The following KIF18A variants were observed in gnomAD, a reference collection of about 807,000 sequenced individuals.
KIF18A encodes the protein kinesin family member 18A, also known as kinesin-like protein KIF18A.
Under a neutral mutation model 103.3 loss-of-function variants are expected in KIF18A, and 67 were observed. The observed-to-expected ratio is 0.65, with a 90% CI of 0.53 to 0.79. The LOEUF is 0.79. KIF18A is among the 30% of genes least tolerant of loss of function. The pLI is 0.00. For missense variants in KIF18A, 1,032 were observed against 1,062.5 expected (o/e 0.97, Z 0.40); for synonymous variants, 367 against 355.5 (o/e 1.03, Z -0.36).
At chr11:28,043,959 C>G (rs1239168737) in intron 13 of KIF18A, among the ~76,000 whole-genome samples, 1 of 150,498 alleles carries the variant, frequency 6.6e-6, no homozygotes, top group African/African-American at 2.4e-5. Context: ...GGTAGGAAGC[C>G]AATAAAAAAT....
chr11:28,023,819 C>A lies in KIF18A; in HGVS notation c.2536G>T (p.Val846Leu). 3.7e-6 allele frequency: 6 copies of A among 1,612,358 alleles called. No individual in the cohort carries two copies. The highest frequency in any genetic ancestry group is 5.1e-6 in the Non-Finnish European group (6 of 1,178,776). ...ACACGTTTGGCAAATCCAGAATTTA[C>A]GTCTGCAGTTAACGAACTGTTTGAT... ...STSNSSLTAD[V>L]NSGFAKRVRQ... The change falls in exon 16 of 17, where the codon GTA becomes TTA. Residue 846 changes from valine (V) to leucine (L), a missense_variant. Val to Leu is a conservative substitution (Grantham distance 32). Transcript: ENST00000263181.
At chr11:28,064,627 C>T (rs1204892077) in intron 11 of KIF18A, among the ~76,000 whole-genome samples, 2 of 151,950 alleles carry the variant, frequency 1.3e-5, no homozygotes, top group Admixed American at 6.6e-5. Flanking sequence ...CCTTTATATA[C>T]ATCCTCTGAT....
intron 7 of KIF18A, 59 bp downstream of exon 7, chr11:28,084,573 A>T (rs1446453261): frequency 3.0e-6 from 4 of 1,330,864 alleles, no homozygotes. Flanking sequence ...TTTCATTACA[A>T]TTATAAAAAT....
chr11:28,036,107 C>A, intron 14 of KIF18A, 110 bp downstream of exon 14: 1 of 606,202 alleles, frequency 1.6e-6, no homozygotes, highest in Non-Finnish European at 2.8e-6. Flanking sequence ...GAAAATAAAA[C>A]AGACTGTTTT....
chr11:28,069,742 A>C (rs1850986808), intron 10 of KIF18A, among the ~76,000 whole-genome samples: 1 of 151,876 alleles, frequency 6.6e-6, no homozygotes, highest in Admixed American at 6.6e-5. Context: ...GTTTCATTTG[A>C]AAAGTTCATA....
intron 13 of KIF18A, among the ~76,000 whole-genome samples, chr11:28,042,718 T>A (rs577353287): frequency 6.6e-6 from 1 of 151,910 alleles, no homozygotes; most frequent in African/African-American, 2.4e-5. Context: ...CATTTGAAGG[T>A]TAACTGCAAA....
rs1432341378 is a variant in KIF18A, at chr11:28,071,662, T to C, written c.1426-2239A>G. Among the ~76,000 whole-genome samples the C allele has an allele frequency of 2.0e-5, 3 of 152,002 alleles. No individual in the cohort carries two copies. The East Asian group carries it at 5.8e-4, about 29-fold the overall frequency. On this transcript the variant is annotated intron_variant, in intron 10 of 16. Coordinates refer to ENST00000263181, the MANE Select transcript of KIF18A (RefSeq NM_031217.4). ...AAAAGCTCTTTGAAGTCCTAAATAA[T>C]TTTTAAAAGCAGAAAGGGGTCCTGA...
At chr11:28,036,792 A>C (rs1338941394) in intron 13 of KIF18A, 128 bp from the exon 14 acceptor site, 24 of 555,050 alleles carry the variant, frequency 4.3e-5, no homozygotes, top group Non-Finnish European at 6.6e-5. Flanking sequence ...AATCTGAAAA[A>C]TATAAGTTGG....
At chr11:28,104,382 C>T (rs12284003) in intron 1 of KIF18A, among the ~76,000 whole-genome samples, 13,346 of 152,210 alleles carry the variant, frequency 0.088, 1,037 homozygotes, top group East Asian at 0.36. Flanking sequence ...TCTGCTTCAG[C>T]TGCAATGACT....
chr11:28,056,446 T>G (rs1850781637), intron 13 of KIF18A, among the ~76,000 whole-genome samples: 2 of 150,332 alleles, frequency 1.3e-5, no homozygotes, highest in Non-Finnish European at 3.0e-5. Context: ...AGCAAAAGAG[T>G]AAAGGGCATA....
intron 10 of KIF18A, among the ~76,000 whole-genome samples, chr11:28,075,209 T>C (rs566122556): frequency 2.4e-4 from 36 of 152,310 alleles, no homozygotes; most frequent in Non-Finnish European, 4.9e-4. Context: ...GTGTTATCTT[T>C]ATCCTGCATT....
chr11:28,039,894 T>C (rs998963692), intron 13 of KIF18A, among the ~76,000 whole-genome samples: 1 of 151,708 alleles, frequency 6.6e-6, no homozygotes, highest in Non-Finnish European at 1.5e-5. Context: ...TAAAGAGTTC[T>C]TTTCATTCTC....
chr11:28,036,133 C>A, intron 14 of KIF18A, 84 bp downstream of exon 14: 1 of 801,000 alleles, frequency 1.2e-6, no homozygotes, highest in Non-Finnish European at 1.9e-6. Flanking sequence ...CAAAATGGCA[C>A]ACTTGGTTTA....
intron 15 of KIF18A, among the ~76,000 whole-genome samples, chr11:28,034,978 T>C (rs1034541482): frequency 1.5e-4 from 22 of 151,650 alleles, no homozygotes; most frequent in African/African-American, 4.1e-4. Context: ...GTCTCTTCAC[T>C]CATTATATTT....
At chr11:28,102,240 C>T (rs899043802) in intron 1 of KIF18A, among the ~76,000 whole-genome samples, 1 of 152,110 alleles carries the variant, frequency 6.6e-6, no homozygotes, top group African/African-American at 2.4e-5. Context: ...CTGAGAGCTT[C>T]CTCTGCAAAA....
chr11:28,033,276 C>A (rs1318765028), intron 15 of KIF18A, among the ~76,000 whole-genome samples: 1 of 151,424 alleles, frequency 6.6e-6, no homozygotes, highest in Admixed American at 6.6e-5. Flanking sequence ...TAAATTAGTA[C>A]AACCACTATA....
Position 28,090,657 on chromosome 11 carries a change from T to C in KIF18A, c.659A>G (p.Asp220Gly), listed in dbSNP as rs759864914. Residue 220 changes from aspartate (D) to glycine (G), a missense_variant, in exon 5 of 17, where the codon GAT becomes GGT. Coordinates refer to ENST00000263181, the MANE Select transcript of KIF18A (RefSeq NM_031217.4). ...AGAACGAGAAGATGTGGCATTCATA[T>C]CAGTGGGATGTTGTGTCCTGTTTTT... ...GNKNRTQHPT[D>G]MNATSSRSHA... is the part of the protein sequence containing the mutation. 1 of 1,609,684 alleles carries C rather than the reference T, an allele frequency of 6.2e-7. No homozygotes were observed. The highest frequency in any genetic ancestry group is 2.2e-5 in the East Asian group (1 of 44,712).
chr11:28,027,612 C>T (rs911638410), intron 15 of KIF18A, among the ~76,000 whole-genome samples: 1 of 151,866 alleles, frequency 6.6e-6, no homozygotes, highest in Non-Finnish European at 1.5e-5. Flanking sequence ...TCATACTGCA[C>T]ATCAGTTTGG....
chr11:28,035,739 T>G (rs907678300), intron 14 of KIF18A, among the ~76,000 whole-genome samples: 1 of 151,548 alleles, frequency 6.6e-6, no homozygotes, highest in Non-Finnish European at 1.5e-5. Flanking sequence ...GTATTTTTCT[T>G]TCCATATTTA....
Sources: gnomAD v4.1 joint callset for allele counts (sites outside exome capture counted in the v4.1 genomes callset) on GRCh38, gnomAD v4.1.1 for gene constraint, MANE v1.5 for transcripts, NCBI Gene and HGNC (gene_info 2026-07-23, HGNC 2026-07-21) for gene names.